SMG7: variants seen among roughly 807,000 people sequenced by gnomAD.
SMG7 encodes the protein SMG7 nonsense mediated mRNA decay factor.
In SMG7, 34 loss-of-function variants were observed where a neutral mutation model predicts 148.2. The ratio of observed to expected loss-of-function variants is 0.23; its 90% CI spans 0.17 to 0.31. The LOEUF is 0.31. Among genes scored for constraint, SMG7 ranks in the 10% least tolerant of loss-of-function variants. The pLI is 1.00. For synonymous variants in SMG7, 492 were observed against 515.1 expected (o/e 0.96, Z 0.61); for missense variants, 1,114 against 1,408.4 (o/e 0.79, Z 3.35).
intron 8 of SMG7, among the ~76,000 whole-genome samples, chr1:183,531,206 G>C (rs1175558765): frequency 6.6e-6 from 1 of 152,080 alleles, no homozygotes; most frequent in East Asian, 1.9e-4. Context: ...TCATCAACAT[G>C]TATACTTCAG....
chr1:183,520,675 C>T (rs1411210482), intron 4 of SMG7, among the ~76,000 whole-genome samples: 1 of 152,056 alleles, frequency 6.6e-6, no homozygotes, highest in African/African-American at 2.4e-5. Context: ...ATTGGTTTGT[C>T]ATCTTGAAAA....
intron 2 of SMG7, 28 bp from the exon 3 acceptor site, chr1:183,515,846 C>T: frequency 7.0e-7 from 1 of 1,420,216 alleles, no homozygotes; most frequent in East Asian, 2.3e-5. Context: ...TATCTATCTA[C>T]CGTTATGTTT....
chr1:183,482,100 A>G (rs145718725), intron 1 of SMG7, among the ~76,000 whole-genome samples: 141 of 152,298 alleles, frequency 9.3e-4, no homozygotes, highest in African/African-American at 3.1e-3. Context: ...AAGAATCCTG[A>G]TACTAGGAAT....
chr1:183,529,817 C>G (rs1448961475), intron 8 of SMG7, among the ~76,000 whole-genome samples: 1 of 152,036 alleles, frequency 6.6e-6, no homozygotes, highest in Non-Finnish European at 1.5e-5. Context: ...TTTGAAACTA[C>G]TACTACTTTT....
At chr1:183,541,862 G>A (rs1187495216) in intron 13 of SMG7, among the ~76,000 whole-genome samples, 3 of 152,186 alleles carry the variant, frequency 2.0e-5, no homozygotes, top group Admixed American at 2.0e-4. Context: ...CGTTGAAAGA[G>A]CCAGAGGGAT....
At chr1:183,543,285 T>C (rs1198143372) in intron 14 of SMG7, among the ~76,000 whole-genome samples, 1 of 152,202 alleles carries the variant, frequency 6.6e-6, no homozygotes, top group African/African-American at 2.4e-5. Context: ...TTTTAGCAAA[T>C]GTATGTGTTT....
At chr1:183,483,443 A>C (rs1654658118) in intron 1 of SMG7, among the ~76,000 whole-genome samples, 1 of 152,192 alleles carries the variant, frequency 6.6e-6, no homozygotes, top group African/African-American at 2.4e-5. Context: ...TGCAACTGGA[A>C]GATGGTATTC....
At chr1:183,502,215 G>A (rs1460405079) in intron 1 of SMG7, 5 of 1,335,440 alleles carry the variant, frequency 3.7e-6, no homozygotes, top group Non-Finnish European at 4.9e-6. Context: ...CTCTGTTATT[G>A]TGGGTTAACT....
chr1:183,496,129 T>C (rs1408075626), intron 1 of SMG7, among the ~76,000 whole-genome samples: 1 of 152,304 alleles, frequency 6.6e-6, no homozygotes, highest in South Asian at 2.1e-4. Context: ...ATGGTTATAA[T>C]CTCAGGTTGT....
chr1:183,545,887 C>A (rs1164329677), intron 16 of SMG7, 79 bp from the exon 17 acceptor site: 22 of 1,482,588 alleles, frequency 1.5e-5, no homozygotes, highest in Non-Finnish European at 1.9e-5. Flanking sequence ...ACCCCAAGTT[C>A]ATTCTGTGAT....
At chr1:183,494,987 C>T (rs1658121698) in intron 1 of SMG7, among the ~76,000 whole-genome samples, 1 of 151,830 alleles carries the variant, frequency 6.6e-6, no homozygotes, top group East Asian at 1.9e-4. Context: ...CGCCACCATG[C>T]CCAGCTAATT....
At chr1:183,508,968 G>GT (rs2102393007) in intron 1 of SMG7, among the ~76,000 whole-genome samples, 1 of 152,282 alleles carries the variant, frequency 6.6e-6, no homozygotes, top group African/African-American at 2.4e-5. Flanking sequence ...GGAACTTAAA[G>GT]AAGTTTTACT....
intron 20 of SMG7, chr1:183,550,198 T>G (rs1670742263): frequency 6.4e-6 from 2 of 311,392 alleles, no homozygotes; most frequent in South Asian, 1.4e-4. Flanking sequence ...CTCAGCTGCT[T>G]TTTAGTTTTA....
At chr1:183,526,928 TA>T (rs1248161478) in intron 5 of SMG7, among the ~76,000 whole-genome samples, 161 bp downstream of exon 5, 2 of 152,240 alleles carry the variant, frequency 1.3e-5, no homozygotes, top group Non-Finnish European at 2.9e-5. Context: ...AATTTCTCAA[TA>T]TTTTTGGGAT....
chr1:183,502,516 G>A (rs1012833351), intron 1 of SMG7: 39 of 683,852 alleles, frequency 5.7e-5, no homozygotes, highest in Non-Finnish European at 7.9e-5. Flanking sequence ...GGCCAAGATC[G>A]GGATGGGGCA....
chr1:183,516,181 A>G (rs1663488024), intron 3 of SMG7, 190 bp downstream of exon 3: 1 of 517,788 alleles, frequency 1.9e-6, no homozygotes. Flanking sequence ...GGAGGTAAGA[A>G]GAGAAATGTT....
chr1:183,534,258 T>C (rs1326346088), intron 10 of SMG7, among the ~76,000 whole-genome samples: 1 of 152,234 alleles, frequency 6.6e-6, no homozygotes, highest in East Asian at 1.9e-4. Flanking sequence ...TTGAATAATA[T>C]TTGTTTATTT....
At chr1:183,544,851 C>T (rs1237604298) in intron 15 of SMG7, 79 bp from the exon 16 acceptor site, 1 of 1,433,626 alleles carries the variant, frequency 7.0e-7, no homozygotes, top group African/African-American at 1.4e-5. Context: ...CCTCTACCTA[C>T]CTGTTAAAAA....
chr1:183,534,529 A>G (rs3842897), intron 10 of SMG7, among the ~76,000 whole-genome samples: 10,827 of 152,238 alleles, frequency 0.071, 568 homozygotes, highest in East Asian at 0.27. Flanking sequence ...ATATTGACCA[A>G]GGTCACAACT....
Sources: gnomAD v4.1 joint callset for allele counts (sites outside exome capture counted in the v4.1 genomes callset) on GRCh38, gnomAD v4.1.1 for gene constraint, MANE v1.5 for transcripts, NCBI Gene and HGNC (gene_info 2026-07-23, HGNC 2026-07-21) for gene names.